SLC31A1: variants seen among roughly 807,000 people sequenced by gnomAD.
The protein encoded by SLC31A1 is high affinity copper uptake protein 1.
Under a neutral mutation model 17.2 loss-of-function variants are expected in SLC31A1, and 5 were observed. The observed-to-expected ratio is 0.29, with a 90% CI of 0.15 to 0.61. The LOEUF is 0.61. SLC31A1 is among the 20% of genes least tolerant of loss of function. The pLI is 0.86. For synonymous variants in SLC31A1, 76 were observed against 78.8 expected (o/e 0.96, Z 0.19); for missense variants, 161 against 241.4 (o/e 0.67, Z 2.21).
intron 1 of SLC31A1, among the ~76,000 whole-genome samples, chr9:113,238,146 T>C (rs1032838106): frequency 6.6e-6 from 1 of 152,202 alleles, no homozygotes; most frequent in African/African-American, 2.4e-5. Context: ...AGATGAGACA[T>C]TGAAATTCAG....
At chr9:113,255,318 T>C (rs1043995117) in intron 1 of SLC31A1, among the ~76,000 whole-genome samples, 1 of 152,236 alleles carries the variant, frequency 6.6e-6, no homozygotes, top group Admixed American at 6.5e-5. Context: ...TGGCATTCAT[T>C]TGTATCTTAT....
rs925044164 is a variant in SLC31A1, at chr9:113,264,159, C to A, written c.*3686C>A. 4 of 152,012 alleles carry A rather than the reference C, an allele frequency of 2.6e-5. No homozygotes were observed. Among genetic ancestry groups the A allele is most frequent in the Non-Finnish European group, 1.5e-5 (1 of 68,016 alleles). 9.4% of individuals were successfully genotyped at this position (152,012 alleles called of 1,614,324 possible). On this transcript the variant is annotated 3_prime_UTR_variant, in exon 5 of 5. Transcript: ENST00000374212. ...TGAAACCCCATCTCTACTAAAAATA[C>A]AAAAATTAGCTGGGCGTGGTGGTGC... is the stretch of plus-strand genomic sequence containing the variant.
chr9:113,246,764 C>G (rs902405762), intron 1 of SLC31A1, among the ~76,000 whole-genome samples: 5 of 152,204 alleles, frequency 3.3e-5, no homozygotes, highest in Non-Finnish European at 5.9e-5. Flanking sequence ...ATTATCGTGC[C>G]TCAGCCTCCC....
At chr9:113,227,737 C>T (rs1328945754) in intron 1 of SLC31A1, 2 of 152,168 alleles carry the variant, frequency 1.3e-5, no homozygotes, top group Admixed American at 1.3e-4. Context: ...ACATTATTAT[C>T]CAAACAGTTT....
chr9:113,228,212 A>G (rs1294240895), intron 1 of SLC31A1, among the ~76,000 whole-genome samples: 2 of 152,324 alleles, frequency 1.3e-5, no homozygotes, highest in South Asian at 2.1e-4. Flanking sequence ...ACTCTAAGAT[A>G]CTATCTAGAA....
In SLC31A1 at chr9:113,256,174, T is replaced by C. The variant is rs768547002; in HGVS notation, c.26T>C (p.Met9Thr). Residue 9 changes from methionine (M) to threonine (T), a missense_variant, in exon 2 of 5, where the codon ATG becomes ACG. Physicochemically the swap from Met to Thr is moderately conservative, Grantham distance 81. Coordinates refer to ENST00000374212, the MANE Select transcript of SLC31A1 (RefSeq NM_001859.4). ...ATGGATCATTCCCACCATATGGGGA[T>C]GAGCTATATGGACTCCAACAGTACC... The part of the protein sequence containing the change: MDHSHHMG[M>T]SYMDSNSTMQ... 3 of 1,611,808 alleles carry C rather than the reference T, an allele frequency of 1.9e-6. No individual in the cohort carries two copies. The highest frequency in any genetic ancestry group is 1.7e-6 in the Non-Finnish European group (2 of 1,179,226).
At chr9:113,253,193 G>A (rs1345006673) in intron 1 of SLC31A1, among the ~76,000 whole-genome samples, 2 of 152,074 alleles carry the variant, frequency 1.3e-5, no homozygotes, top group Non-Finnish European at 2.9e-5. Flanking sequence ...CTAACCTCGT[G>A]ATCCGCCTGC....
chr9:113,229,419 T>C (rs1467769411), intron 1 of SLC31A1, among the ~76,000 whole-genome samples: 1 of 152,232 alleles, frequency 6.6e-6, no homozygotes, highest in Non-Finnish European at 1.5e-5. Context: ...CAGTATATTC[T>C]GCTTTTATTT....
At chr9:113,240,771 C>T (rs1263947640) in intron 1 of SLC31A1, among the ~76,000 whole-genome samples, 1 of 151,910 alleles carries the variant, frequency 6.6e-6, no homozygotes, top group Admixed American at 6.6e-5. Context: ...ATTGAGGGGC[C>T]AGGCACGGTG....
At chr9:113,250,841 A>T (rs1425085757) in intron 1 of SLC31A1, among the ~76,000 whole-genome samples, 1 of 152,082 alleles carries the variant, frequency 6.6e-6, no homozygotes, top group Admixed American at 6.6e-5. Flanking sequence ...CCTCATGAGT[A>T]AATTAATGTC....
At chr9:113,247,467 G>A (rs1019309939) in intron 1 of SLC31A1, among the ~76,000 whole-genome samples, 1 of 152,002 alleles carries the variant, frequency 6.6e-6, no homozygotes, top group African/African-American at 2.4e-5. Flanking sequence ...TATTCTTATT[G>A]TACCATAGAA....
rs1035351899 is a variant in SLC31A1 at position 113,223,165 on chromosome 9, G to A, written c.-36+1487G>A. The A allele has an allele frequency of 3.9e-5, 16 of 413,446 alleles. No individual in the cohort carries two copies. In the Admixed American group the frequency reaches 4.2e-4, roughly 11 times the overall value. The allele number at this position is 413,446 out of a possible 1,614,324, so 25.6% of individuals were successfully genotyped here. A position where few individuals can be genotyped will look rare whatever the true frequency, so the allele number is the denominator to read the frequency against. On this transcript the variant is annotated intron_variant, in intron 1 of 4. Transcript: ENST00000374212. ...TTAAGTAGCTTTTGTAGGTACTCAG[G>A]AATCCTAAAATCAATAGCCTTTTTG...
In SLC31A1 at chr9:113,263,799, T is replaced by C. The variant is rs1000954565; in HGVS notation, c.*3326T>C. The C allele has an allele frequency of 3.9e-5, 6 of 152,258 alleles. No individual in the cohort carries two copies. Among genetic ancestry groups the C allele is most frequent in the Non-Finnish European group, 5.9e-5 (4 of 68,048 alleles). 9.4% of individuals were successfully genotyped at this position (152,258 alleles called of 1,614,324 possible). On this transcript the variant is annotated 3_prime_UTR_variant, in exon 5 of 5. Coordinates refer to ENST00000374212, the MANE Select transcript of SLC31A1 (RefSeq NM_001859.4). ...GAGGGAGGAACTCCCAGCATCCCCA[T>C]TGCCCACAAATGGAATCCTCACTGT...
At position 113,263,652 on chromosome 9, in the gene SLC31A1, G is replaced by A. The variant is rs1831818476; in HGVS notation, c.*3179G>A. 1 of 152,512 alleles carries A rather than the reference G, an allele frequency of 6.6e-6. No homozygotes were observed. The highest frequency in any genetic ancestry group is 1.5e-5 in the Non-Finnish European group (1 of 68,040). 9.4% of individuals were successfully genotyped at this position (152,512 alleles called of 1,614,324 possible). Reference sequence around the variant, plus strand: ...TGGATATAATACCAACCAGAAATTGGCATTTATAAACCTGTTAAGAGACTT... The same window carrying A: ...TGGATATAATACCAACCAGAAATTGACATTTATAAACCTGTTAAGAGACTT... On this transcript the variant is annotated 3_prime_UTR_variant, in exon 5 of 5. Coordinates refer to ENST00000374212, the MANE Select transcript of SLC31A1 (RefSeq NM_001859.4).
At chr9:113,246,918 G>A (rs1371802363) in intron 1 of SLC31A1, among the ~76,000 whole-genome samples, 1 of 152,164 alleles carries the variant, frequency 6.6e-6, no homozygotes, top group South Asian at 2.1e-4. Context: ...GAGATTACAG[G>A]CGTGAGCCAC....
intron 1 of SLC31A1, among the ~76,000 whole-genome samples, chr9:113,223,500 T>C (rs1831309892): frequency 6.6e-6 from 1 of 152,224 alleles, no homozygotes; most frequent in African/African-American, 2.4e-5. Context: ...CCTGGACTTC[T>C]ACTGAGTAAC....
intron 1 of SLC31A1, 57 bp downstream of exon 1, chr9:113,221,735 C>G (rs1587983953): frequency 4.6e-6 from 1 of 215,130 alleles, no homozygotes; most frequent in East Asian, 1.3e-4. Flanking sequence ...CGTCCTTTTC[C>G]CAGCGGGACA....
intron 1 of SLC31A1, chr9:113,223,264 TATG>T (rs1831305450): frequency 2.2e-6 from 1 of 450,698 alleles, no homozygotes; most frequent in African/African-American, 2.0e-5. Flanking sequence ...TCATTAGCAG[TATG>T]AGGAGGAGGA....
intron 1 of SLC31A1, among the ~76,000 whole-genome samples, chr9:113,247,465 T>C (rs912041865): frequency 5.9e-5 from 9 of 152,192 alleles, no homozygotes; most frequent in Admixed American, 2.6e-4. Flanking sequence ...CTTATTCTTA[T>C]TGTACCATAG....
Sources: allele counts gnomAD v4.1 joint callset (sites outside exome capture counted in the v4.1 genomes callset), GRCh38; gene constraint gnomAD v4.1.1; transcripts MANE v1.5; gene names NCBI Gene and HGNC (gene_info 2026-07-23, HGNC 2026-07-21).